SLC39A12: variants seen among roughly 807,000 people sequenced by gnomAD.
SLC39A12 encodes solute carrier family 39 member 12.
In SLC39A12, 63 loss-of-function variants were observed where a neutral mutation model predicts 71.1. That is an observed-to-expected ratio of 0.89 (90% CI 0.72 to 1.09). The LOEUF is 1.09. SLC39A12 is among the 50% of genes least tolerant of loss of function. SLC39A12 has a pLI of 0.00. For missense variants in SLC39A12, 892 were observed against 812.6 expected (o/e 1.10, Z -1.19); for synonymous variants, 351 against 301.3 (o/e 1.16, Z -1.71).
chr10:17,965,632 C>G lies in SLC39A12; in HGVS notation c.693C>G (p.Asp231Glu). 1.2e-6 allele frequency: 2 copies of G among 1,614,178 alleles called. No individual in the cohort carries two copies. The highest frequency in any genetic ancestry group is 1.7e-6 in the Non-Finnish European group (2 of 1,180,010). ...CLGQGNLPSP[D>E]YFTEYIFSSL... The stretch of plus-strand genomic sequence containing the variant: ...GACAAGGAAACTTGCCTTCCCCAGA[C>G]TACTTTACAGAATATATTTTCAGTT... The change falls in exon 4 of 13, where the codon GAC (aspartate) becomes GAG (glutamate). Residue 231 changes from aspartate (D) to glutamate (E), a missense_variant. Transcript: ENST00000377369.
intron 12 of SLC39A12, among the ~76,000 whole-genome samples, chr10:18,036,773 TATATATATATATATATATA>T (rs1388234436): frequency 0.041 from 980 of 24,138 alleles, 71 homozygotes; most frequent in South Asian, 0.054. Context: ...TATATATATA[TATATATATATATATATATA>T]TATTTTTTTT....
chr10:17,986,863 G>T (rs1378201366), intron 6 of SLC39A12, among the ~76,000 whole-genome samples: 1 of 152,024 alleles, frequency 6.6e-6, no homozygotes, highest in Non-Finnish European at 1.5e-5. Context: ...AGCTTAGCCA[G>T]GCCTGATGGC....
At position 18,041,969 on chromosome 10, in the gene SLC39A12, G is replaced by A. The variant is rs575668256; in HGVS notation, c.1948-736G>A. ...TCCTTACTGTTCTAAAGATCAGGAG[G>A]ATCTTAGTCATCGCTCTCTCTCTCT... On this transcript the variant is annotated intron_variant, in intron 12 of 12. Coordinates refer to ENST00000377369, the MANE Select transcript of SLC39A12 (RefSeq NM_001145195.2). Among the ~76,000 whole-genome samples the A allele has an allele frequency of 2.0e-5, 3 of 150,940 alleles. No homozygotes were observed. In the South Asian group the frequency reaches 6.3e-4, roughly 32 times the overall value.
chr10:18,011,413 T>G (rs1420909364), intron 12 of SLC39A12, among the ~76,000 whole-genome samples: 4 of 152,216 alleles, frequency 2.6e-5, no homozygotes, highest in African/African-American at 9.6e-5. Context: ...TTAATAACAT[T>G]TTCTTTTCTC....
intron 2 of SLC39A12, among the ~76,000 whole-genome samples, chr10:17,954,853 C>T (rs919089199): frequency 1.3e-5 from 2 of 152,104 alleles, no homozygotes; most frequent in Non-Finnish European, 1.5e-5. Context: ...CATTTTCTGA[C>T]CAAGTGTTTT....
chr10:17,971,847 C>T (rs1016910139), intron 4 of SLC39A12, among the ~76,000 whole-genome samples: 1 of 151,976 alleles, frequency 6.6e-6, no homozygotes, highest in African/African-American at 2.4e-5. Flanking sequence ...CTGCTCTAAT[C>T]TTTATTATTT....
At chr10:18,034,138 G>GT in intron 12 of SLC39A12, among the ~76,000 whole-genome samples, 1 of 152,272 alleles carries the variant, frequency 6.6e-6, no homozygotes, top group East Asian at 1.9e-4. Context: ...TTGATTTGTG[G>GT]TGGAGGGTTC....
chr10:17,965,353 A>G, intron 3 of SLC39A12, 130 bp from the exon 4 acceptor site: 2 of 731,002 alleles, frequency 2.7e-6, no homozygotes, highest in Non-Finnish European at 4.4e-6. Flanking sequence ...TGATAGTCAT[A>G]TTCCTCAAAT....
chr10:18,042,366 G>A lies in SLC39A12; in HGVS notation c.1948-339G>A, dbSNP rs143248664. On this transcript the variant is annotated intron_variant, in intron 12 of 12. Transcript: ENST00000377369. Reference sequence around the variant, plus strand: ...CAATGGCACGCACCTGGAAGGCTGAGGTGAGAGGATTGCTGGAGCCCAGGA... The same window carrying A: ...CAATGGCACGCACCTGGAAGGCTGAAGTGAGAGGATTGCTGGAGCCCAGGA... 6.6e-3 allele frequency among the ~76,000 whole-genome samples: 1,005 copies of A among 151,744 alleles called. 12 individuals carry two copies. Among genetic ancestry groups the A allele is most frequent in the East Asian group, 0.029 (150 of 5,112 alleles).
At chr10:17,996,036 T>G (rs1350352302) in intron 10 of SLC39A12, among the ~76,000 whole-genome samples, 1 of 152,196 alleles carries the variant, frequency 6.6e-6, no homozygotes, top group Non-Finnish European at 1.5e-5. Context: ...AACATATTTG[T>G]GTGATGATTG....
intron 12 of SLC39A12, among the ~76,000 whole-genome samples, chr10:18,023,161 C>T (rs1267563920): frequency 6.6e-6 from 1 of 152,138 alleles, no homozygotes; most frequent in Non-Finnish European, 1.5e-5. Flanking sequence ...TGGGGGGCAG[C>T]AGGGATGGGG....
At chr10:17,963,242 G>A (rs1201722000) in intron 3 of SLC39A12, among the ~76,000 whole-genome samples, 6 of 152,144 alleles carry the variant, frequency 3.9e-5, no homozygotes, top group Non-Finnish European at 7.4e-5. Flanking sequence ...ACCAGGAGGC[G>A]TGCCTACATA....
At chr10:18,008,745 A>G (rs983064591) in intron 12 of SLC39A12, 2 of 152,174 alleles carry the variant, frequency 1.3e-5, no homozygotes, top group African/African-American at 4.8e-5. Context: ...ATACCTATCT[A>G]TCAATTGCTT....
chr10:18,017,051 G>A (rs993573994), intron 12 of SLC39A12, among the ~76,000 whole-genome samples: 1 of 151,932 alleles, frequency 6.6e-6, no homozygotes, highest in South Asian at 2.1e-4. Context: ...ATATATTTAG[G>A]GCAACTTGAA....
chr10:17,959,832 C>T (rs1413853403), intron 2 of SLC39A12, among the ~76,000 whole-genome samples: 1 of 152,156 alleles, frequency 6.6e-6, no homozygotes, highest in African/African-American at 2.4e-5. Context: ...GTGCTTGTGG[C>T]TTGTGAAACA....
intron 2 of SLC39A12, among the ~76,000 whole-genome samples, chr10:17,956,069 A>G (rs1834539697): frequency 6.6e-6 from 1 of 152,070 alleles, no homozygotes; most frequent in South Asian, 2.1e-4. Context: ...GACCACATGG[A>G]CAAACACATG....
At chr10:17,968,244 G>A (rs1258145010) in intron 4 of SLC39A12, among the ~76,000 whole-genome samples, 1 of 151,452 alleles carries the variant, frequency 6.6e-6, no homozygotes, top group East Asian at 1.9e-4. Context: ...TCATCTAATT[G>A]CGTTGGTTAA....
At chr10:18,012,951 G>A (rs937565375) in intron 12 of SLC39A12, among the ~76,000 whole-genome samples, 1 of 151,426 alleles carries the variant, frequency 6.6e-6, no homozygotes, top group Non-Finnish European at 1.5e-5. Flanking sequence ...CATGAGAGCT[G>A]AGTTTATGCT....
At chr10:17,999,159 A>G (rs975130991) in intron 10 of SLC39A12, among the ~76,000 whole-genome samples, 7 of 151,980 alleles carry the variant, frequency 4.6e-5, no homozygotes, top group African/African-American at 1.2e-4. Flanking sequence ...CTAGGCAGGC[A>G]TAGTGGCATG....
Sources: gnomAD v4.1 joint callset for allele counts (sites outside exome capture counted in the v4.1 genomes callset) on GRCh38, gnomAD v4.1.1 for gene constraint, MANE v1.5 for transcripts, NCBI Gene and HGNC (gene_info 2026-07-23, HGNC 2026-07-21) for gene names.